The following SEPTIN7 variants were observed in gnomAD, a reference collection of about 807,000 sequenced individuals.
SEPTIN7 encodes the protein septin-7.
In SEPTIN7, 10 loss-of-function variants were observed where a neutral mutation model predicts 63.3. The ratio of observed to expected loss-of-function variants is 0.16; its 90% CI spans 0.10 to 0.27. The LOEUF is 0.27. Among genes scored for constraint, SEPTIN7 ranks in the 10% least tolerant of loss-of-function variants. The pLI is 1.00. For synonymous variants in SEPTIN7, 131 were observed against 165.3 expected (o/e 0.79, Z 1.59); for missense variants, 310 against 521.0 (o/e 0.59, Z 3.94).
At chr7:35,852,522 A>G (rs527948612) in intron 3 of SEPTIN7, among the ~76,000 whole-genome samples, 1 of 152,304 alleles carries the variant, frequency 6.6e-6, no homozygotes, top group South Asian at 2.1e-4. Flanking sequence ...AAAAATTTCC[A>G]GGGAAGAATA....
intron 11 of SEPTIN7, among the ~76,000 whole-genome samples, chr7:35,895,801 G>A (rs1336147362): frequency 6.6e-6 from 1 of 151,948 alleles, no homozygotes; most frequent in African/African-American, 2.4e-5. Context: ...CTTAAATTTT[G>A]AATTTAAATG....
At chr7:35,895,185 A>T (rs1181670933) in intron 11 of SEPTIN7, among the ~76,000 whole-genome samples, 1 of 152,184 alleles carries the variant, frequency 6.6e-6, no homozygotes, top group East Asian at 1.9e-4. Flanking sequence ...CCAGCCATTT[A>T]ATAAAAGGTT....
chr7:35,838,330 C>T (rs1420799652), intron 3 of SEPTIN7, among the ~76,000 whole-genome samples: 6 of 1,698 alleles, frequency 3.5e-3, no homozygotes, highest in Non-Finnish European at 4.0e-3. Context: ...CCCTCCCTCC[C>T]TCCCTCCCTC....
intron 10 of SEPTIN7, among the ~76,000 whole-genome samples, chr7:35,887,456 C>T (rs1475556888): frequency 2.6e-5 from 4 of 152,222 alleles, no homozygotes; most frequent in African/African-American, 9.6e-5. Flanking sequence ...AAGTAATTCT[C>T]CTGCCTCAGC....
chr7:35,894,314 T>C (rs1456230325), intron 11 of SEPTIN7, among the ~76,000 whole-genome samples: 1 of 152,128 alleles, frequency 6.6e-6, no homozygotes, highest in East Asian at 1.9e-4. Flanking sequence ...CTTGTCTCTC[T>C]TTCCCTTATG....
At chr7:35,876,635 C>T (rs1307200043) in intron 6 of SEPTIN7, among the ~76,000 whole-genome samples, 1 of 152,088 alleles carries the variant, frequency 6.6e-6, no homozygotes, top group African/African-American at 2.4e-5. Flanking sequence ...AGGCCACAGA[C>T]TAGGCAACAT....
At chr7:35,878,682 T>A (rs1264850602) in intron 6 of SEPTIN7, among the ~76,000 whole-genome samples, 1 of 152,118 alleles carries the variant, frequency 6.6e-6, no homozygotes, top group Non-Finnish European at 1.5e-5. Flanking sequence ...ATACTATATA[T>A]AGGAATAGGA....
chr7:35,897,153 A>G (rs1788002674), intron 11 of SEPTIN7, among the ~76,000 whole-genome samples: 1 of 152,196 alleles, frequency 6.6e-6, no homozygotes, highest in Admixed American at 6.5e-5. Context: ...ATTTTTTAAA[A>G]AAAATTAGCG....
intron 11 of SEPTIN7, among the ~76,000 whole-genome samples, chr7:35,895,316 A>C (rs1190617133): frequency 1.3e-5 from 2 of 152,180 alleles, no homozygotes; most frequent in Non-Finnish European, 2.9e-5. Flanking sequence ...GTGAGGTGTT[A>C]ATATAAAAAT....
chr7:35,890,859 T>C, intron 11 of SEPTIN7, 66 bp downstream of exon 11: 1 of 1,271,616 alleles, frequency 7.9e-7, no homozygotes, highest in Non-Finnish European at 1.0e-6. Flanking sequence ...TTGTTTCATT[T>C]TCATTAAATT....
intron 1 of SEPTIN7, among the ~76,000 whole-genome samples, chr7:35,818,123 T>C (rs983417689): frequency 2.4e-4 from 37 of 152,054 alleles, no homozygotes; most frequent in African/African-American, 8.2e-4. Flanking sequence ...TTTTCTGAGA[T>C]GTTCTTTATG....
chr7:35,808,050 C>T (rs1332160408), intron 1 of SEPTIN7, among the ~76,000 whole-genome samples: 1 of 151,950 alleles, frequency 6.6e-6, no homozygotes, highest in African/African-American at 2.4e-5. Context: ...CTCTCCTGAC[C>T]TCGTGATCTG....
chr7:35,809,741 C>T (rs1788576564), intron 1 of SEPTIN7, among the ~76,000 whole-genome samples: 1 of 152,166 alleles, frequency 6.6e-6, no homozygotes, highest in Non-Finnish European at 1.5e-5. Flanking sequence ...AAGTAGGCAA[C>T]TGGTATTGCT....
Position 35,903,479 on chromosome 7 carries a change from T to A in SEPTIN7, c.1274+264T>A, listed in dbSNP as rs142490795. ...CTTCATAACATTCTCCCCAGTTAAC[T>A]TACCTTCATTGGATTTCTTACCTCC... On this transcript the variant is annotated intron_variant, in intron 13 of 13. Coordinates refer to ENST00000350320, the MANE Select transcript of SEPTIN7 (RefSeq NM_001788.6). Among the ~76,000 whole-genome samples, 504 of 152,298 alleles carry A rather than the reference T, an allele frequency of 3.3e-3. 2 individuals carry two copies. The highest frequency in any genetic ancestry group is 0.012 in the African/African-American group (485 of 41,580).
chr7:35,852,733 C>T (rs898655864), intron 3 of SEPTIN7, among the ~76,000 whole-genome samples: 9 of 151,962 alleles, frequency 5.9e-5, no homozygotes, highest in South Asian at 2.1e-4. Flanking sequence ...CTCTGTGTCA[C>T]GATAATAGAA....
At chr7:35,900,619 C>T (rs1788267081) in intron 12 of SEPTIN7, 1 of 152,210 alleles carries the variant, frequency 6.6e-6, no homozygotes. Context: ...GAGTCTACTA[C>T]ATTATCTCCA....
intron 3 of SEPTIN7, among the ~76,000 whole-genome samples, chr7:35,860,927 C>T (rs1250617990): frequency 6.6e-6 from 1 of 152,156 alleles, no homozygotes; most frequent in Non-Finnish European, 1.5e-5. Context: ...CTGTTCATTT[C>T]TCTTCCTCTG....
At chr7:35,881,513 A>T (rs554087799) in intron 7 of SEPTIN7, among the ~76,000 whole-genome samples, 123 of 148,170 alleles carry the variant, frequency 8.3e-4, no homozygotes, top group African/African-American at 2.6e-3. Context: ...TTTTTTTTTT[A>T]AATATAGGTA....
chr7:35,883,622 T>C (rs1428001290), intron 8 of SEPTIN7, among the ~76,000 whole-genome samples: 3 of 151,066 alleles, frequency 2.0e-5, no homozygotes, highest in Non-Finnish European at 4.4e-5. Context: ...CTGTAGTGAT[T>C]TTTAGTAAAT....
Sources: allele counts gnomAD v4.1 joint callset (sites outside exome capture counted in the v4.1 genomes callset), GRCh38; gene constraint gnomAD v4.1.1; transcripts MANE v1.5; gene names NCBI Gene and HGNC (gene_info 2026-07-23, HGNC 2026-07-21).